Variants in C12orf54 observed in about 807,000 individuals in gnomAD.
C12orf54 encodes the protein uncharacterized protein C12orf54.
A neutral mutation model predicts 26.4 loss-of-function variants in C12orf54; 24 were observed. That is an observed-to-expected ratio of 0.91 (90% CI 0.66 to 1.28). C12orf54 has a LOEUF of 1.28. C12orf54 is among the 50% of genes most tolerant of loss of function. The probability of loss-of-function intolerance (pLI) is 0.00; values close to 1 mark genes in which losing one functional copy is unlikely to be tolerated. For synonymous variants in C12orf54, 54 were observed against 47.0 expected (o/e 1.15, Z -0.61); for missense variants, 154 against 150.9 (o/e 1.02, Z -0.11).
At chr12:48,459,412 G>A in the C12orf54 span, among the ~76,000 whole-genome samples, 1 of 151,804 alleles carries the variant, frequency 6.6e-6, no homozygotes, top group Non-Finnish European at 1.5e-5. Flanking sequence ...TTAAAACAGT[G>A]TGATTCATCA....
the C12orf54 span, among the ~76,000 whole-genome samples, chr12:48,446,934 T>A: frequency 6.6e-6 from 1 of 152,200 alleles, no homozygotes; most frequent in Non-Finnish European, 1.5e-5. Flanking sequence ...AAAAGATAGG[T>A]AAGAAGAAAA....
chr12:48,416,437 C>T, the C12orf54 span, among the ~76,000 whole-genome samples: 1 of 152,188 alleles, frequency 6.6e-6, no homozygotes, highest in African/African-American at 2.4e-5. Flanking sequence ...AATGTCCTTC[C>T]TTCTGAGGAT....
At chr12:48,415,551 A>T in the C12orf54 span, among the ~76,000 whole-genome samples, 1 of 151,896 alleles carries the variant, frequency 6.6e-6, no homozygotes, top group African/African-American at 2.4e-5. Flanking sequence ...TTTGTGATAC[A>T]AAAATTTTAT....
At chr12:48,478,893 C>T (rs567560642), upstream of C12orf54, among the ~76,000 whole-genome samples, 7 of 152,240 alleles carry the variant, frequency 4.6e-5, no homozygotes, top group South Asian at 4.1e-4. Context: ...TGTGGAGAAA[C>T]AGGAACACTT....
intron 6 of C12orf54, chr12:48,492,744 T>A (rs1937818698): frequency 1.7e-6 from 1 of 581,040 alleles, no homozygotes; most frequent in Admixed American, 2.6e-5. Flanking sequence ...GTGGCCATGA[T>A]CCGCTCTGCT....
chr12:48,437,463 G>C, the C12orf54 span, among the ~76,000 whole-genome samples: 1 of 152,152 alleles, frequency 6.6e-6, no homozygotes, highest in Non-Finnish European at 1.5e-5. Flanking sequence ...GAAAATTTTA[G>C]ACCAATATCC....
chr12:48,490,709 CA>C, intron 5 of C12orf54, 102 bp from the exon 6 acceptor site: 2 of 1,366,400 alleles, frequency 1.5e-6, no homozygotes, highest in South Asian at 2.5e-5. Context: ...CATATTTTCC[CA>C]AACAGACATC....
the C12orf54 span, among the ~76,000 whole-genome samples, chr12:48,418,818 T>G: frequency 6.4e-3 from 978 of 152,230 alleles, 12 homozygotes; most frequent in Non-Finnish European, 0.011. Context: ...TAAAAAAAAT[T>G]TTAATATGTT....
chr12:48,452,842 AG>A, the C12orf54 span, among the ~76,000 whole-genome samples: 4 of 151,564 alleles, frequency 2.6e-5, no homozygotes, highest in Non-Finnish European at 4.4e-5. Flanking sequence ...TAAAAATAAC[AG>A]AACTAGCAAG....
the C12orf54 span, among the ~76,000 whole-genome samples, chr12:48,418,302 C>T: frequency 6.6e-5 from 10 of 152,134 alleles, no homozygotes; most frequent in East Asian, 7.7e-4. Flanking sequence ...TGTCAATAAA[C>T]GGCAAGGTAA....
the C12orf54 span, among the ~76,000 whole-genome samples, chr12:48,475,504 A>T: frequency 3.3e-5 from 5 of 152,174 alleles, no homozygotes; most frequent in Non-Finnish European, 5.9e-5. Flanking sequence ...TGAAAAAAAA[A>T]TTAGATGAAT....
the C12orf54 span, among the ~76,000 whole-genome samples, chr12:48,444,018 C>A: frequency 1.3e-5 from 2 of 152,178 alleles, no homozygotes; most frequent in African/African-American, 4.8e-5. Flanking sequence ...TAAAGAAAAA[C>A]TTTTTCAAAT....
intron 7 of C12orf54, among the ~76,000 whole-genome samples, chr12:48,494,439 A>G (rs1033638643): frequency 2.0e-5 from 3 of 152,200 alleles, no homozygotes; most frequent in African/African-American, 7.2e-5. Context: ...CATATTAACA[A>G]AATTCTAAAT....
At chr12:48,443,447 T>G in the C12orf54 span, among the ~76,000 whole-genome samples, 1 of 152,178 alleles carries the variant, frequency 6.6e-6, no homozygotes. Context: ...ACTTTTACTT[T>G]TTCAATAAAT....
the C12orf54 span, among the ~76,000 whole-genome samples, chr12:48,471,956 T>C: frequency 6.6e-6 from 1 of 152,208 alleles, no homozygotes; most frequent in African/African-American, 2.4e-5. Flanking sequence ...TTAATAATAT[T>C]GATCTTACAA....
chr12:48,413,210 G>T, the C12orf54 span, among the ~76,000 whole-genome samples: 9 of 152,120 alleles, frequency 5.9e-5, no homozygotes, highest in African/African-American at 2.2e-4. Context: ...TTCCAATAAG[G>T]AATATGCACC....
At chr12:48,438,320 C>G in the C12orf54 span, among the ~76,000 whole-genome samples, 1 of 152,176 alleles carries the variant, frequency 6.6e-6, no homozygotes. Flanking sequence ...TGAAAATGGC[C>G]ATACGGCCCA....
the C12orf54 span, among the ~76,000 whole-genome samples, chr12:48,432,706 C>A: frequency 3.3e-5 from 5 of 152,072 alleles, no homozygotes; most frequent in African/African-American, 1.2e-4. Context: ...CCCATCTCTA[C>A]TAAAAGTACA....
At chr12:48,454,131 C>G in the C12orf54 span, among the ~76,000 whole-genome samples, 3 of 130,906 alleles carry the variant, frequency 2.3e-5, no homozygotes, top group Admixed American at 2.7e-4. Context: ...CGGAGTCTCA[C>G]TCTGTTGCCA....
Sources: gnomAD v4.1 joint callset for allele counts (sites outside exome capture counted in the v4.1 genomes callset) on GRCh38, gnomAD v4.1.1 for gene constraint, MANE v1.5 for transcripts, NCBI Gene and HGNC (gene_info 2026-07-23, HGNC 2026-07-21) for gene names.